GXYLT2: variants seen among roughly 807,000 people sequenced by gnomAD.
The protein encoded by GXYLT2 is glycosyltransferase 8 domain containing 4.
In GXYLT2, 53 loss-of-function variants were observed where a neutral mutation model predicts 45.8. The ratio of observed to expected loss-of-function variants is 1.16; its 90% CI spans 0.93 to 1.46. GXYLT2 has a LOEUF of 1.46. GXYLT2 is among the 40% of genes most tolerant of loss of function. GXYLT2 has a pLI of 0.00. For missense variants in GXYLT2, 551 were observed against 544.4 expected, an observed-to-expected ratio of 1.01 and a Z score of -0.12; for synonymous variants, 219 against 214.2, an observed-to-expected ratio of 1.02 and a Z score of -0.19.
At chr3:72,928,403 C>T (rs188900615) in intron 3 of GXYLT2, among the ~76,000 whole-genome samples, 9 of 152,318 alleles carry the variant, frequency 5.9e-5, no homozygotes, top group Admixed American at 2.0e-4. Context: ...TCACCTTCTA[C>T]CTGAAGTTCA....
rs913486589 is a variant in GXYLT2, at chr3:72,888,275, G to T, written c.42G>T (p.Ala14=). The T allele has an allele frequency of 1.2e-5, 12 of 994,254 alleles. No homozygotes were observed. The African/African-American group carries it at 1.8e-4, about 15-fold the overall frequency. 61.6% of individuals were successfully genotyped at this position (994,254 alleles called of 1,614,324 possible). ...RSKAAALLLL[A]LAALLLALLS... ...AGGCGGCGGCGCTGCTCTTGCTCGC[G>T]CTGGCCGCGCTGCTGCTGGCGCTGC... The change falls in exon 1 of 7, where the codon GCG becomes GCT. Residue 14 remains alanine (A), a synonymous_variant. Coordinates refer to ENST00000389617, the MANE Select transcript of GXYLT2 (RefSeq NM_001080393.2).
chr3:72,954,492 C>T (rs181046887), intron 3 of GXYLT2, among the ~76,000 whole-genome samples: 5 of 150,282 alleles, frequency 3.3e-5, no homozygotes, highest in Admixed American at 6.6e-5. Flanking sequence ...CCCATTAACA[C>T]TAGAAGAAAT....
Position 72,920,220 on chromosome 3 carries a change from C to T in GXYLT2, c.469-1984C>T, listed in dbSNP as rs554322554. ...TCCAATCTTGGCTCACTGCAGCCTC[C>T]GCCTTCCGAGTTGATGTGATTCTCC... On this transcript the variant is annotated intron_variant, in intron 2 of 6. Transcript: ENST00000389617. Among the ~76,000 whole-genome samples, 12 of 152,186 alleles carry T rather than the reference C, an allele frequency of 7.9e-5. No homozygotes were observed. In the South Asian group the frequency reaches 2.3e-3, roughly 29 times the overall value.
chr3:72,937,216 A>G (rs190993749), intron 3 of GXYLT2, among the ~76,000 whole-genome samples: 132 of 152,348 alleles, frequency 8.7e-4, no homozygotes, highest in Non-Finnish European at 7.6e-4. Context: ...TTTTTTAAAA[A>G]AAGAAATAGA....
rs111273628 is a variant in GXYLT2, at chr3:72,961,416, G to C, written c.976+4064G>C. 7.2e-5 allele frequency among the ~76,000 whole-genome samples: 11 copies of C among 152,222 alleles called. No individual in the cohort carries two copies. The East Asian group carries it at 2.1e-3, about 30-fold the overall frequency. ...GATCACACGAGTCAAATCAAGCCAG[G>C]CTTCATGAGAACTGGCCTTGGGAAG... On this transcript the variant is annotated intron_variant, in intron 5 of 6. Coordinates refer to ENST00000389617, the MANE Select transcript of GXYLT2 (RefSeq NM_001080393.2).
intron 5 of GXYLT2, among the ~76,000 whole-genome samples, 197 bp from the exon 6 acceptor site, chr3:72,967,350 C>G (rs1011421184): frequency 6.6e-6 from 1 of 152,146 alleles, no homozygotes; most frequent in Admixed American, 6.6e-5. Context: ...CCTACATCAT[C>G]ACTGTGTGCC....
chr3:72,900,517 C>T (rs1246791808), intron 1 of GXYLT2, among the ~76,000 whole-genome samples: 1 of 152,050 alleles, frequency 6.6e-6, no homozygotes, highest in Non-Finnish European at 1.5e-5. Context: ...CCAGTTCAAG[C>T]GATTCTCCTG....
chr3:72,888,590 G>T (rs1709114714), intron 1 of GXYLT2, 82 bp downstream of exon 1: 8 of 946,052 alleles, frequency 8.5e-6, no homozygotes, highest in Non-Finnish European at 1.0e-5. Flanking sequence ...GGGAGGCTTT[G>T]CGCTGGAGAG....
At chr3:72,908,318 T>G (rs774720870) in intron 1 of GXYLT2, 49 bp from the exon 2 acceptor site, 1 of 1,441,570 alleles carries the variant, frequency 6.9e-7, no homozygotes, top group Non-Finnish European at 9.4e-7. Context: ...TTGTTGTTTT[T>G]ACTTTTTTGA....
intron 1 of GXYLT2, among the ~76,000 whole-genome samples, chr3:72,904,105 AATGTT>A (rs897849814): frequency 5.9e-5 from 9 of 152,334 alleles, no homozygotes; most frequent in African/African-American, 1.7e-4. Context: ...CTGGACAGCA[AATGTT>A]CACTCCAGTC....
chr3:72,901,418 C>T (rs961582452), intron 1 of GXYLT2, among the ~76,000 whole-genome samples: 3 of 150,750 alleles, frequency 2.0e-5, no homozygotes, highest in Admixed American at 1.3e-4. Context: ...AAGCCAAGAT[C>T]GCACCACTGC....
chr3:72,951,126 C>T (rs1710515408), intron 3 of GXYLT2, among the ~76,000 whole-genome samples: 1 of 152,142 alleles, frequency 6.6e-6, no homozygotes, highest in Non-Finnish European at 1.5e-5. Flanking sequence ...TGATCCTCTT[C>T]AAATTAATAC....
intron 1 of GXYLT2, among the ~76,000 whole-genome samples, chr3:72,894,448 G>T (rs929981700): frequency 2.0e-5 from 3 of 152,246 alleles, no homozygotes; most frequent in African/African-American, 7.2e-5. Flanking sequence ...ACCTGCGGGT[G>T]ACTTACCAGA....
In GXYLT2 at chr3:72,930,122, C is replaced by T. The variant is rs575842708; in HGVS notation, c.600+7787C>T. ...CAGAGGGTGCAGTGAGTTGAGATTGCGTCATTGCACTCTAGCTTGGGCAAA... is the reference window on the plus strand; with the variant it reads ...CAGAGGGTGCAGTGAGTTGAGATTGTGTCATTGCACTCTAGCTTGGGCAAA... On this transcript the variant is annotated intron_variant, in intron 3 of 6. Transcript: ENST00000389617. 6.7e-5 allele frequency among the ~76,000 whole-genome samples: 10 copies of T among 150,344 alleles called. No individual in the cohort carries two copies. In the South Asian group the frequency reaches 1.3e-3, roughly 19 times the overall value.
At chr3:72,894,093 A>G (rs1709235187) in intron 1 of GXYLT2, among the ~76,000 whole-genome samples, 1 of 152,242 alleles carries the variant, frequency 6.6e-6, no homozygotes. Context: ...TCTAGATACA[A>G]CCAAGGAAAT....
intron 3 of GXYLT2, among the ~76,000 whole-genome samples, chr3:72,931,283 A>G (rs2107113925): frequency 6.6e-6 from 1 of 151,476 alleles, no homozygotes. Context: ...GCTGGAGTGC[A>G]GTGGCTCCAT....
chr3:72,910,845 A>G (rs1017770693), intron 2 of GXYLT2, among the ~76,000 whole-genome samples: 2 of 152,214 alleles, frequency 1.3e-5, no homozygotes, highest in African/African-American at 4.8e-5. Flanking sequence ...GAAGTGCTCT[A>G]TGTGGCGGAA....
chr3:72,962,404 G>GTTGT (rs1661375386), intron 5 of GXYLT2, among the ~76,000 whole-genome samples: 1 of 152,164 alleles, frequency 6.6e-6, no homozygotes, highest in African/African-American at 2.4e-5. Flanking sequence ...GTTCAGAAGT[G>GTTGT]TTGTTTGGTT....
intron 1 of GXYLT2, among the ~76,000 whole-genome samples, chr3:72,897,491 G>A (rs1709316824): frequency 1.3e-5 from 2 of 152,170 alleles, no homozygotes; most frequent in African/African-American, 2.4e-5. Flanking sequence ...TCCAATCACC[G>A]ATGGCTACAA....
Sources: gnomAD v4.1 joint callset for allele counts (sites outside exome capture counted in the v4.1 genomes callset) on GRCh38, gnomAD v4.1.1 for gene constraint, MANE v1.5 for transcripts, NCBI Gene and HGNC (gene_info 2026-07-23, HGNC 2026-07-21) for gene names.